HORMAD1: variants seen among roughly 807,000 people sequenced by gnomAD.
HORMAD1 encodes HORMA domain containing 1, also known as HORMA domain-containing protein 1.
HORMAD1 carries 33 observed loss-of-function variants against 58.2 expected under a neutral mutation model. The observed-to-expected ratio is 0.57, with a 90% CI of 0.43 to 0.76. HORMAD1 has a LOEUF of 0.76. Among genes scored for constraint, HORMAD1 ranks in the 30% least tolerant of loss-of-function variants. The probability of loss-of-function intolerance (pLI) is 0.00; values close to 1 mark genes in which losing one functional copy is unlikely to be tolerated. For synonymous variants in HORMAD1, 137 were observed against 144.6 expected (o/e 0.95, Z 0.38); for missense variants, 363 against 462.0 (o/e 0.79, Z 1.96).
intron 3 of HORMAD1, among the ~76,000 whole-genome samples, chr1:150,716,586 G>C (rs1487230323): frequency 6.6e-6 from 1 of 152,050 alleles, no homozygotes; most frequent in African/African-American, 2.4e-5. Flanking sequence ...GTGCCTTAAG[G>C]GGTATGGAGT....
intron 13 of HORMAD1, among the ~76,000 whole-genome samples, chr1:150,701,600 CAG>C (rs1208751619): frequency 6.6e-6 from 1 of 152,152 alleles, no homozygotes; most frequent in Non-Finnish European, 1.5e-5. Flanking sequence ...ACACCACTAA[CAG>C]AGTGAGCTAT....
chr1:150,708,576 C>T (rs930532339), intron 8 of HORMAD1, among the ~76,000 whole-genome samples, 169 bp from the exon 9 acceptor site: 1 of 152,124 alleles, frequency 6.6e-6, no homozygotes, highest in African/African-American at 2.4e-5. Flanking sequence ...ATATTAATAT[C>T]TGCTAGAAAT....
chr1:150,709,987 C>T (rs186715436), intron 7 of HORMAD1, among the ~76,000 whole-genome samples: 319 of 152,198 alleles, frequency 2.1e-3, no homozygotes, highest in African/African-American at 6.0e-3. Context: ...ATCACCCTGC[C>T]CTCCTACTAC....
rs587646209 is a variant in HORMAD1 at position 150,717,939 on chromosome 1, C to T, written c.34-657G>A. Among the ~76,000 whole-genome samples the T allele has an allele frequency of 1.8e-3, 272 of 151,710 alleles. 1 individual carries two copies. The Middle Eastern group carries it at 0.034, about 19-fold the overall frequency. On this transcript the variant is annotated intron_variant, in intron 2 of 14. Transcript: ENST00000361824. ...CCAGCCTGAGTGACAAAGCGAGACT[C>T]CATCTCAAAAAAAAAGTATATAATC...
chr1:150,708,581 A>C (rs1050286121), intron 8 of HORMAD1, among the ~76,000 whole-genome samples, 174 bp from the exon 9 acceptor site: 1 of 152,242 alleles, frequency 6.6e-6, no homozygotes, highest in African/African-American at 2.4e-5. Context: ...AATATCTGCT[A>C]GAAATAATAA....
In HORMAD1 at chr1:150,704,723, G is replaced by A. The variant is rs112185919; in HGVS notation, c.805-380C>T. On this transcript the variant is annotated intron_variant, in intron 10 of 14. Transcript: ENST00000361824. ...TGCGCTCCAGCCTGGGAGACAGGAC[G>A]AGACCCTGACTCAAACACAAACAAA... Among the ~76,000 whole-genome samples the A allele has an allele frequency of 8.0e-3, 1,224 of 152,160 alleles. 9 individuals carry two copies. Among genetic ancestry groups the A allele is most frequent in the Non-Finnish European group, 0.011 (733 of 67,996 alleles).
At chr1:150,700,861 G>A (rs1043389214) in intron 13 of HORMAD1, among the ~76,000 whole-genome samples, 7 of 151,936 alleles carry the variant, frequency 4.6e-5, no homozygotes, top group Admixed American at 4.6e-4. Context: ...TTCATCTGTT[G>A]ATGTATATTT....
chr1:150,708,217 A>G, intron 9 of HORMAD1, 39 bp downstream of exon 9: 1 of 1,463,376 alleles, frequency 6.8e-7, no homozygotes, highest in Non-Finnish European at 9.2e-7. Context: ...ATGATAAAAC[A>G]TATGTACCAA....
chr1:150,709,897 C>CA (rs1651816045), intron 7 of HORMAD1, among the ~76,000 whole-genome samples: 1 of 152,196 alleles, frequency 6.6e-6, no homozygotes, highest in Non-Finnish European at 1.5e-5. Context: ...CGTGTACGTC[C>CA]AGTCATAGTA....
intron 5 of HORMAD1, among the ~76,000 whole-genome samples, chr1:150,712,703 C>A (rs971070380): frequency 6.6e-6 from 1 of 152,092 alleles, no homozygotes; most frequent in Admixed American, 6.6e-5. Flanking sequence ...CGCGCCAACA[C>A]GCCTAGCTCA....
intron 13 of HORMAD1, chr1:150,701,807 CAA>C (rs1651545956): frequency 6.6e-6 from 1 of 151,960 alleles, no homozygotes; most frequent in Non-Finnish European, 1.5e-5. Context: ...AAGATATATA[CAA>C]AAGATTATTT....
At chr1:150,703,932 T>C (rs1018353810) in intron 12 of HORMAD1, among the ~76,000 whole-genome samples, 186 bp downstream of exon 12, 2 of 152,114 alleles carry the variant, frequency 1.3e-5, no homozygotes, top group African/African-American at 4.8e-5. Flanking sequence ...ACTAAACAAA[T>C]CCACCAGTAA....
At chr1:150,717,113 A>G (rs754280196) in intron 3 of HORMAD1, 25 bp downstream of exon 3, 1 of 1,416,746 alleles carries the variant, frequency 7.1e-7, no homozygotes, top group South Asian at 1.4e-5. Flanking sequence ...TTTAAAAGAA[A>G]GCTTTAAAAT....
chr1:150,702,034 G>A (rs1651552406), intron 13 of HORMAD1: 1 of 151,988 alleles, frequency 6.6e-6, no homozygotes, highest in Non-Finnish European at 1.5e-5. Context: ...ATCTGACAAA[G>A]GTCTAATATC....
intron 9 of HORMAD1, 75 bp from the exon 10 acceptor site, chr1:150,706,884 C>A (rs1164763748): frequency 1.2e-5 from 15 of 1,219,512 alleles, no homozygotes; most frequent in Non-Finnish European, 1.7e-5. Context: ...AAAACACACG[C>A]AGATTGCAGG....
chr1:150,714,544 G>T, intron 4 of HORMAD1, 71 bp downstream of exon 4: 1 of 726,676 alleles, frequency 1.4e-6, no homozygotes, highest in Non-Finnish European at 2.2e-6. Context: ...AACACCAAAG[G>T]TATCCAAGGT....
At chr1:150,700,222 C>G (rs780383400) in intron 13 of HORMAD1, 39 bp from the exon 14 acceptor site, 2 of 1,054,082 alleles carry the variant, frequency 1.9e-6, no homozygotes, top group East Asian at 4.7e-5. Flanking sequence ...GGTTATTTCT[C>G]AAAGAACAGC....
intron 4 of HORMAD1, 36 bp from the exon 5 acceptor site, chr1:150,714,157 A>C (rs34593358): frequency 8.1e-7 from 1 of 1,236,596 alleles, no homozygotes; most frequent in South Asian, 1.4e-5. Context: ...TTTAGACTGA[A>C]TGCATTTCCA....
At chr1:150,711,377 A>T (rs1651897602) in intron 7 of HORMAD1, among the ~76,000 whole-genome samples, 168 bp downstream of exon 7, 1 of 152,246 alleles carries the variant, frequency 6.6e-6, no homozygotes, top group Non-Finnish European at 1.5e-5. Flanking sequence ...TAACAATCCA[A>T]GCCCTGCCTT....
Sources: allele counts gnomAD v4.1 joint callset (sites outside exome capture counted in the v4.1 genomes callset), GRCh38; gene constraint gnomAD v4.1.1; transcripts MANE v1.5; gene names NCBI Gene and HGNC (gene_info 2026-07-23, HGNC 2026-07-21).